Variants in BMPR2 observed in about 807,000 individuals in gnomAD.
The protein encoded by BMPR2 is bone morphogenetic protein receptor type-2.
Under a neutral mutation model 100.8 loss-of-function variants are expected in BMPR2, and 29 were observed. That is an observed-to-expected ratio of 0.29 (90% confidence interval 0.21 to 0.39). The LOEUF is 0.39. Ranked by LOEUF, BMPR2 falls within the 10% of genes least tolerant of loss-of-function variation. The probability of loss-of-function intolerance (pLI) is 1.00; values close to 1 mark genes in which losing one functional copy is unlikely to be tolerated. For missense variants in BMPR2, 1,011 were observed against 1,274.5 expected (o/e 0.79, Z 3.15); for synonymous variants, 382 against 442.3 (o/e 0.86, Z 1.71).
At chr2:202,558,717 A>G (rs2105715099) in intron 12 of BMPR2, among the ~76,000 whole-genome samples, 1 of 151,512 alleles carries the variant, frequency 6.6e-6, no homozygotes, top group East Asian at 2.0e-4. Context: ...AACATGGAGA[A>G]ACCCGGTCTC....
chr2:202,479,311 C>T (rs1427933620), intron 3 of BMPR2, among the ~76,000 whole-genome samples: 1 of 152,150 alleles, frequency 6.6e-6, no homozygotes, highest in African/African-American at 2.4e-5. Flanking sequence ...ATTGAGTGAG[C>T]TCAGCGATAG....
chr2:202,500,431 G>A (rs1184273407), intron 3 of BMPR2, among the ~76,000 whole-genome samples: 4 of 152,214 alleles, frequency 2.6e-5, no homozygotes. Flanking sequence ...TGGGGAACAA[G>A]TTAGCCATTT....
chr2:202,523,735 C>G (rs1038232632), intron 7 of BMPR2, among the ~76,000 whole-genome samples: 4 of 151,838 alleles, frequency 2.6e-5, no homozygotes, highest in Admixed American at 2.0e-4. Context: ...ACGTGGGAGG[C>G]AGAAGTTGCG....
chr2:202,388,468 A>T (rs1392805077), intron 1 of BMPR2, among the ~76,000 whole-genome samples: 2 of 148,000 alleles, frequency 1.4e-5, no homozygotes, highest in South Asian at 2.1e-4. Context: ...AGTTATTCTG[A>T]TTCCTTGCTA....
intron 2 of BMPR2, chr2:202,467,156 G>A (rs1692339981): frequency 1.3e-5 from 4 of 300,622 alleles, no homozygotes; most frequent in Admixed American, 9.6e-5. Flanking sequence ...CCAGCTACTC[G>A]GGAGGCTAAG....
intron 1 of BMPR2, among the ~76,000 whole-genome samples, chr2:202,413,379 C>G (rs1052495818): frequency 6.6e-6 from 1 of 152,080 alleles, no homozygotes. Context: ...GTGCTGGTAG[C>G]CAGGAGTTGA....
chr2:202,406,321 GAATT>G (rs1391684928), intron 1 of BMPR2, among the ~76,000 whole-genome samples: 3 of 152,200 alleles, frequency 2.0e-5, no homozygotes, highest in Admixed American at 6.5e-5. Flanking sequence ...CCTCCAGTGA[GAATT>G]AATACAATTT....
intron 3 of BMPR2, among the ~76,000 whole-genome samples, chr2:202,504,443 C>T (rs202025713): frequency 1.3e-5 from 2 of 151,920 alleles, no homozygotes; most frequent in Non-Finnish European, 2.9e-5. Flanking sequence ...TGCAGCTTCA[C>T]TCCTGAGCCA....
At chr2:202,516,514 TA>T (rs1687713878) in intron 5 of BMPR2, among the ~76,000 whole-genome samples, 1 of 151,872 alleles carries the variant, frequency 6.6e-6, no homozygotes, top group East Asian at 1.9e-4. Flanking sequence ...ATTTATTTTG[TA>T]AAAAATACAA....
At chr2:202,467,781 AGGC>A (rs1692357252) in intron 3 of BMPR2, 92 bp downstream of exon 3, 1 of 1,334,590 alleles carries the variant, frequency 7.5e-7, no homozygotes, top group African/African-American at 1.5e-5. Context: ...GGTTGAAGCC[AGGC>A]GTGATGGCTC....
chr2:202,457,224 A>G (rs1468542385), intron 1 of BMPR2, among the ~76,000 whole-genome samples: 1 of 152,048 alleles, frequency 6.6e-6, no homozygotes, highest in Non-Finnish European at 1.5e-5. Flanking sequence ...ACCTCATGTA[A>G]TAAGATTTTG....
intron 10 of BMPR2, 118 bp from the exon 11 acceptor site, chr2:202,552,598 C>A: frequency 1.0e-6 from 1 of 994,732 alleles, no homozygotes; most frequent in Non-Finnish European, 1.5e-6. Flanking sequence ...GTTATTAGAG[C>A]TATGTAAAAT....
chr2:202,519,519 A>T lies in BMPR2; in HGVS notation c.852+467A>T, dbSNP rs528140603. ...CTCACACCAGAATGTGAATCAACTA[A>T]TTATACTGTTTGTTTCGCTGTCTCC... On this transcript the variant is annotated intron_variant, in intron 6 of 12. Transcript: ENST00000374580. 3.3e-5 allele frequency among the ~76,000 whole-genome samples: 5 copies of T among 152,310 alleles called. No individual in the cohort carries two copies. In the South Asian group the frequency reaches 6.2e-4, roughly 19 times the overall value.
intron 1 of BMPR2, among the ~76,000 whole-genome samples, chr2:202,416,494 C>T (rs1242064674): frequency 2.0e-5 from 3 of 148,026 alleles, no homozygotes; most frequent in African/African-American, 2.5e-5. Context: ...GGTGCGATCT[C>T]GGCTCACTGC....
At chr2:202,407,186 G>A (rs1401907618) in intron 1 of BMPR2, among the ~76,000 whole-genome samples, 1 of 151,528 alleles carries the variant, frequency 6.6e-6, no homozygotes, top group Admixed American at 6.6e-5. Flanking sequence ...CAAATGATCC[G>A]CCTACCTTGG....
At chr2:202,429,183 C>CT (rs1248787342) in intron 1 of BMPR2, among the ~76,000 whole-genome samples, 1 of 152,134 alleles carries the variant, frequency 6.6e-6, no homozygotes, top group Non-Finnish European at 1.5e-5. Context: ...CCCCCAATCT[C>CT]TTTTTCATAC....
intron 1 of BMPR2, among the ~76,000 whole-genome samples, chr2:202,448,896 G>A (rs1222817530): frequency 6.6e-6 from 1 of 151,314 alleles, no homozygotes; most frequent in African/African-American, 2.4e-5. Context: ...GTTTGGGAAA[G>A]CTTGGATTAT....
rs181337494 is a variant in BMPR2 at position 202,419,501 on chromosome 2, C to T, written c.76+41951C>T. 2.6e-4 allele frequency among the ~76,000 whole-genome samples: 39 copies of T among 152,138 alleles called. 1 individual carries two copies. In the East Asian group the frequency reaches 7.2e-3, roughly 28 times the overall value. Reference sequence around the variant, plus strand: ...CCTCCTGAGTAGCTGGGATTACAGGCGCGTGCCACCATGCTTGGCTACTTT... The same window carrying T: ...CCTCCTGAGTAGCTGGGATTACAGGTGCGTGCCACCATGCTTGGCTACTTT... On this transcript the variant is annotated intron_variant, in intron 1 of 12. Coordinates refer to ENST00000374580, the MANE Select transcript of BMPR2 (RefSeq NM_001204.7).
intron 1 of BMPR2, among the ~76,000 whole-genome samples, chr2:202,389,304 G>T (rs1029598625): frequency 1.3e-5 from 2 of 151,878 alleles, no homozygotes; most frequent in African/African-American, 4.8e-5. Flanking sequence ...AGGGCGGGCA[G>T]ATCATGAGGT....
Sources: gnomAD v4.1 joint callset for allele counts (sites outside exome capture counted in the v4.1 genomes callset) on GRCh38, gnomAD v4.1.1 for gene constraint, MANE v1.5 for transcripts, NCBI Gene and HGNC (gene_info 2026-07-23, HGNC 2026-07-21) for gene names.